Variants in DHRSX observed in about 807,000 individuals in gnomAD.
DHRSX encodes the protein dehydrogenase/reductase X-linked.
DHRSX carries 31 observed loss-of-function variants against 34.0 expected under a neutral mutation model. The observed-to-expected ratio is 0.91, with a 90% confidence interval of 0.69 to 1.23. The LOEUF is 1.23. Among genes scored for constraint, DHRSX ranks in the 50% most tolerant of loss-of-function variants. The pLI is 0.00. For synonymous variants in DHRSX, 201 were observed against 183.8 expected (o/e 1.09, Z -0.76); for missense variants, 414 against 428.1 (o/e 0.97, Z 0.29).
chrX:2,446,927 C>T (rs893072733), intron 1 of DHRSX, among the ~76,000 whole-genome samples: 7 of 151,740 alleles, frequency 4.6e-5, no homozygotes, highest in African/African-American at 1.7e-4. Context: ...GAGGGGCCGC[C>T]GCCATGTACG....
At chrX:2,270,772 C>G (rs1317116812) in intron 4 of DHRSX, among the ~76,000 whole-genome samples, 7 of 152,116 alleles carry the variant, frequency 4.6e-5, no homozygotes, top group African/African-American at 1.2e-4. Context: ...AGTGGAGACC[C>G]GGAGACCTTT....
At chrX:2,396,309 T>G (rs1192486890) in intron 3 of DHRSX, among the ~76,000 whole-genome samples, 1 of 151,922 alleles carries the variant, frequency 6.6e-6, no homozygotes, top group South Asian at 2.1e-4. Flanking sequence ...GATTAGGACA[T>G]GGACATATCT....
At chrX:2,490,122 T>A (rs1297237813) in intron 1 of DHRSX, 1 of 1,613,856 alleles carries the variant, frequency 6.2e-7, no homozygotes, top group African/African-American at 1.3e-5. Context: ...CTCCTCCACA[T>A]GTCGGTGGAG....
chrX:2,283,068 G>C (rs1273440641), intron 4 of DHRSX, among the ~76,000 whole-genome samples: 1 of 151,936 alleles, frequency 6.6e-6, no homozygotes, highest in African/African-American at 2.4e-5. Flanking sequence ...TACAGAAAGA[G>C]AGAGAGAGAG....
chrX:2,486,225 C>G (rs761914648), intron 1 of DHRSX, among the ~76,000 whole-genome samples: 2 of 152,030 alleles, frequency 1.3e-5, no homozygotes, highest in Non-Finnish European at 2.9e-5. Flanking sequence ...CCAAAACACC[C>G]GAAAGTACAT....
At chrX:2,387,137 A>C (rs1232727141) in intron 3 of DHRSX, among the ~76,000 whole-genome samples, 1 of 152,122 alleles carries the variant, frequency 6.6e-6, no homozygotes, top group African/African-American at 2.4e-5. Context: ...ACCTGCTATG[A>C]ATTGTCACCC....
At chrX:2,285,565 C>G (rs1404787336) in intron 4 of DHRSX, among the ~76,000 whole-genome samples, 1 of 152,104 alleles carries the variant, frequency 6.6e-6, no homozygotes, top group African/African-American at 2.4e-5. Context: ...TGCTTGTTCA[C>G]TTGCCACTCA....
intron 3 of DHRSX, among the ~76,000 whole-genome samples, chrX:2,344,620 A>G (rs1261894794): frequency 6.6e-6 from 1 of 151,958 alleles, no homozygotes; most frequent in Non-Finnish European, 1.5e-5. Context: ...AAGAACAGAA[A>G]AGCAAACACC....
At chrX:2,233,524 G>A in intron 6 of DHRSX, among the ~76,000 whole-genome samples, 1 of 152,126 alleles carries the variant, frequency 6.6e-6, no homozygotes, top group East Asian at 1.9e-4. Flanking sequence ...GGGCGCTGGG[G>A]AGACGGTGCA....
intron 1 of DHRSX, among the ~76,000 whole-genome samples, chrX:2,444,262 A>G (rs1233806299): frequency 6.6e-6 from 1 of 152,172 alleles, no homozygotes; most frequent in Non-Finnish European, 1.5e-5. Context: ...TGAAAATGTG[A>G]TAATTCTGCA....
At chrX:2,316,740 G>A (rs1480996532) in intron 3 of DHRSX, among the ~76,000 whole-genome samples, 1 of 152,162 alleles carries the variant, frequency 6.6e-6, no homozygotes, top group Non-Finnish European at 1.5e-5. Context: ...AGCATGTGGA[G>A]TTATTTATAT....
intron 3 of DHRSX, among the ~76,000 whole-genome samples, chrX:2,362,452 C>G (rs1223399457): frequency 6.6e-6 from 1 of 152,180 alleles, no homozygotes. Context: ...AGGCGCCCAC[C>G]ACCATATGCC....
At chrX:2,489,939 T>C (rs1191740852) in intron 1 of DHRSX, 1 of 1,613,904 alleles carries the variant, frequency 6.2e-7, no homozygotes, top group South Asian at 1.1e-5. Context: ...ACCTTGGCGC[T>C]GATGCCCCAC....
chrX:2,372,740 C>G (rs1051039183), intron 3 of DHRSX, among the ~76,000 whole-genome samples: 27 of 151,892 alleles, frequency 1.8e-4, no homozygotes, highest in Non-Finnish European at 3.2e-4. Context: ...TCCCGAGTAG[C>G]TGGGATTACA....
intron 5 of DHRSX, among the ~76,000 whole-genome samples, chrX:2,263,416 C>T (rs1442120894): frequency 3.3e-5 from 5 of 151,954 alleles, no homozygotes; most frequent in Admixed American, 6.6e-5. Context: ...TCTCGCCAGA[C>T]GCTGGCACAC....
At chrX:2,369,433 G>A (rs2043031109) in intron 3 of DHRSX, among the ~76,000 whole-genome samples, 1 of 152,178 alleles carries the variant, frequency 6.6e-6, no homozygotes, top group Non-Finnish European at 1.5e-5. Context: ...TGGACTAGAT[G>A]TGTGTGTGGA....
At chrX:2,291,711 T>G (rs1376216427) in intron 3 of DHRSX, 108 bp from the exon 4 acceptor site, 55 of 693,840 alleles carry the variant, frequency 7.9e-5, no homozygotes, top group South Asian at 1.1e-4. Context: ...AAGTAACACT[T>G]TTTTTTTTTC....
chrX:2,396,922 G>C (rs2043419800), intron 3 of DHRSX, among the ~76,000 whole-genome samples: 1 of 151,904 alleles, frequency 6.6e-6, no homozygotes, highest in Non-Finnish European at 1.5e-5. Flanking sequence ...TATTTTAAAG[G>C]ATACTGCAGA....
At chrX:2,480,955 C>T (rs879091915) in intron 1 of DHRSX, among the ~76,000 whole-genome samples, 1 of 151,786 alleles carries the variant, frequency 6.6e-6, no homozygotes, top group East Asian at 1.9e-4. Flanking sequence ...AGATTTTACA[C>T]ATTCTCACCA....
Sources: gnomAD v4.1 joint callset for allele counts (sites outside exome capture counted in the v4.1 genomes callset) on GRCh38, gnomAD v4.1.1 for gene constraint, MANE v1.5 for transcripts, NCBI Gene and HGNC (gene_info 2026-07-23, HGNC 2026-07-21) for gene names.